SPON1: variants seen among roughly 807,000 people sequenced by gnomAD.
SPON1 encodes spondin 1, also known as spondin-1.
A neutral mutation model predicts 111.7 loss-of-function variants in SPON1; 52 were observed. The ratio of observed to expected loss-of-function variants is 0.47; its 90% CI spans 0.37 to 0.59. The LOEUF (loss-of-function observed/expected upper bound fraction) is 0.59, where lower values mean the gene tolerates loss of function less well. SPON1 is among the 20% of genes least tolerant of loss of function. The pLI is 0.00. For synonymous variants in SPON1, 410 were observed against 395.8 expected (o/e 1.04, Z -0.43); for missense variants, 957 against 1,068.5 (o/e 0.90, Z 1.46).
intron 2 of SPON1, among the ~76,000 whole-genome samples, chr11:13,990,522 T>C (rs1848221157): frequency 1.3e-5 from 2 of 151,926 alleles, no homozygotes; most frequent in South Asian, 4.2e-4. Flanking sequence ...TGACCATTTA[T>C]CCAATTTGTC....
chr11:14,145,609 G>A (rs1847708020), intron 6 of SPON1, among the ~76,000 whole-genome samples: 1 of 152,080 alleles, frequency 6.6e-6, no homozygotes, highest in Non-Finnish European at 1.5e-5. Flanking sequence ...GCACAGTTCA[G>A]GAGTGTTAGG....
At chr11:14,190,217 G>A (rs2133891323) in intron 6 of SPON1, among the ~76,000 whole-genome samples, 1 of 135,206 alleles carries the variant, frequency 7.4e-6, no homozygotes, top group Non-Finnish European at 1.7e-5. Context: ...GCTGTACAAG[G>A]GCAGGTCCTT....
chr11:14,036,893 G>A (rs1848598326), intron 2 of SPON1, among the ~76,000 whole-genome samples: 1 of 152,046 alleles, frequency 6.6e-6, no homozygotes, highest in Non-Finnish European at 1.5e-5. Context: ...GATGACATAG[G>A]ATCCATTGGA....
At chr11:14,048,782 C>T (rs1848687650) in intron 3 of SPON1, among the ~76,000 whole-genome samples, 1 of 152,188 alleles carries the variant, frequency 6.6e-6, no homozygotes, top group South Asian at 2.1e-4. Context: ...GTTCCGTACC[C>T]TTCAGTCTGA....
intron 5 of SPON1, among the ~76,000 whole-genome samples, chr11:14,085,850 A>G (rs1463656346): frequency 2.6e-5 from 4 of 152,130 alleles, no homozygotes; most frequent in African/African-American, 9.7e-5. Flanking sequence ...GTTCTCCTTG[A>G]AGAGGTCATT....
At chr11:14,001,087 G>A (rs562074362) in intron 2 of SPON1, among the ~76,000 whole-genome samples, 22 of 152,252 alleles carry the variant, frequency 1.4e-4, no homozygotes, top group African/African-American at 5.1e-4. Context: ...AGGTCATGAG[G>A]CAAACCTTCG....
At chr11:14,149,855 C>T (rs1317956248) in intron 6 of SPON1, among the ~76,000 whole-genome samples, 2 of 152,154 alleles carry the variant, frequency 1.3e-5, no homozygotes, top group Non-Finnish European at 2.9e-5. Flanking sequence ...ATGATGTTTG[C>T]ACAATGAAGA....
intron 7 of SPON1, among the ~76,000 whole-genome samples, chr11:14,249,505 T>A (rs1316661233): frequency 1.3e-5 from 2 of 152,206 alleles, no homozygotes; most frequent in African/African-American, 4.8e-5. Context: ...CTGCAGAACT[T>A]CAGCCTAGTG....
intron 2 of SPON1, among the ~76,000 whole-genome samples, chr11:14,029,152 T>C (rs938331729): frequency 8.6e-5 from 13 of 152,002 alleles, no homozygotes; most frequent in Non-Finnish European, 1.6e-4. Context: ...CACAAGCATG[T>C]GTGTGCCCAG....
At chr11:14,151,032 T>C (rs1213412924) in intron 6 of SPON1, among the ~76,000 whole-genome samples, 1 of 152,214 alleles carries the variant, frequency 6.6e-6, no homozygotes, top group East Asian at 1.9e-4. Context: ...TGTATGCCCT[T>C]TGGCTACATG....
At chr11:14,223,775 G>A (rs1406253549) in intron 6 of SPON1, among the ~76,000 whole-genome samples, 1 of 152,198 alleles carries the variant, frequency 6.6e-6, no homozygotes, top group East Asian at 1.9e-4. Flanking sequence ...TGCCTCTCAA[G>A]AATTTCCAAA....
At chr11:14,229,561 T>A (rs1329971009) in intron 6 of SPON1, among the ~76,000 whole-genome samples, 10 of 152,290 alleles carry the variant, frequency 6.6e-5, no homozygotes, top group Admixed American at 5.2e-4. Context: ...TGGCCCTGAC[T>A]GATACCGTCT....
intron 5 of SPON1, among the ~76,000 whole-genome samples, chr11:14,083,889 A>C (rs1554922303): frequency 6.6e-6 from 1 of 152,130 alleles, no homozygotes; most frequent in African/African-American, 2.4e-5. Context: ...AATAACCATA[A>C]TTTGTCTGTC....
Position 14,255,792 on chromosome 11 carries a change from T to C in SPON1, c.1233+5T>C, listed in dbSNP as rs1554941155. On this transcript the variant is annotated splice_donor_5th_base_variant and intron_variant, in intron 9 of 15. Coordinates refer to ENST00000576479, the MANE Select transcript of SPON1 (RefSeq NM_006108.4). ...ATCGAGAGAATCGCACGGAAGGTAC[T>C]GGGTTAGAACCCACTCTGGCATCGA... 3.1e-6 allele frequency: 5 copies of C among 1,613,730 alleles called. No individual in the cohort carries two copies. The highest frequency in any genetic ancestry group is 4.2e-6 in the Non-Finnish European group (5 of 1,179,792).
intron 3 of SPON1, among the ~76,000 whole-genome samples, chr11:14,062,029 T>A (rs953960132): frequency 6.6e-6 from 1 of 152,212 alleles, no homozygotes; most frequent in Non-Finnish European, 1.5e-5. Flanking sequence ...CATCGTCACA[T>A]CAGCCTTGGT....
At chr11:14,237,371 C>G (rs915750820) in intron 6 of SPON1, among the ~76,000 whole-genome samples, 1 of 152,196 alleles carries the variant, frequency 6.6e-6, no homozygotes, top group African/African-American at 2.4e-5. Flanking sequence ...AGAAAGCCAC[C>G]AACCAGGGTC....
chr11:14,075,149 T>C (rs529697445), intron 3 of SPON1, among the ~76,000 whole-genome samples, 196 bp from the exon 4 acceptor site: 1 of 152,272 alleles, frequency 6.6e-6, no homozygotes, highest in African/African-American at 2.4e-5. Flanking sequence ...TCTCTTGACA[T>C]ACATTTTCTG....
chr11:14,160,469 TTATATATATATTTATA>T (rs1847903933), intron 6 of SPON1, among the ~76,000 whole-genome samples: 5 of 16,502 alleles, frequency 3.0e-4, no homozygotes, highest in South Asian at 2.0e-3. Flanking sequence ...ATATATATAT[TTATATATATATTTATA>T]TATATATATT....
intron 5 of SPON1, among the ~76,000 whole-genome samples, chr11:14,082,305 A>G (rs1488822312): frequency 1.3e-5 from 2 of 152,208 alleles, no homozygotes; most frequent in African/African-American, 2.4e-5. Flanking sequence ...CAGATCTTCT[A>G]GGATTGTTCC....
Sources: allele counts gnomAD v4.1 joint callset (sites outside exome capture counted in the v4.1 genomes callset), GRCh38; gene constraint gnomAD v4.1.1; transcripts MANE v1.5; gene names NCBI Gene and HGNC (gene_info 2026-07-23, HGNC 2026-07-21).